CPS1: variants seen among roughly 807,000 people sequenced by gnomAD.
CPS1 encodes carbamoyl-phosphate synthase 1, also known as carbamoyl-phosphate synthase [ammonia], mitochondrial.
In CPS1, 109 loss-of-function variants were observed where a neutral mutation model predicts 174.6. That is an observed-to-expected ratio of 0.62 (90% CI 0.53 to 0.73). CPS1 has a LOEUF of 0.73. Among genes scored for constraint, CPS1 ranks in the 30% least tolerant of loss-of-function variants. CPS1 has a pLI of 0.00. For missense variants in CPS1, 1,689 were observed against 1,821.9 expected (o/e 0.93, Z 1.33); for synonymous variants, 637 against 632.0 (o/e 1.01, Z -0.12).
intron 28 of CPS1, among the ~76,000 whole-genome samples, chr2:210,650,941 G>A (rs1366918647): frequency 6.6e-6 from 1 of 151,998 alleles, no homozygotes; most frequent in African/African-American, 2.4e-5. Context: ...TTTTCCTGTT[G>A]GCACATTCAG....
At chr2:210,651,346 A>G (rs2105912125) in intron 28 of CPS1, among the ~76,000 whole-genome samples, 1 of 152,332 alleles carries the variant, frequency 6.6e-6, no homozygotes, top group Non-Finnish European at 1.5e-5. Flanking sequence ...AAGAGTAGAT[A>G]AGAATAAAGA....
intron 5 of CPS1, among the ~76,000 whole-genome samples, chr2:210,581,325 TA>T (rs1377676001): frequency 6.6e-6 from 1 of 152,162 alleles, no homozygotes; most frequent in East Asian, 1.9e-4. Flanking sequence ...TATGTTAGGT[TA>T]AAACGAGCCC....
chr2:210,606,751 C>T lies in CPS1; in HGVS notation c.2002C>T (p.Pro668Ser), dbSNP rs776711741. Residue 668 changes from proline (P) to serine (S), a missense_variant, in exon 18 of 38, where the codon CCT becomes TCT. By Grantham distance (74) the Pro-to-Ser change is moderately conservative (BLOSUM62 -1). Coordinates refer to ENST00000233072, the MANE Select transcript of CPS1 (RefSeq NM_001875.5). ...TATAGGTGACTCAGTTGTTGTGGCT[C>T]CTGCCCAGACACTCTCCAATGCCGA... is the stretch of plus-strand genomic sequence containing the variant. ...VHTGDSVVVA[P>S]AQTLSNAEFQ... 6 of 1,612,378 alleles carry T rather than the reference C, an allele frequency of 3.7e-6. No homozygotes were observed. Among genetic ancestry groups the T allele is most frequent in the East Asian group, 2.2e-5 (1 of 44,792 alleles).
intron 6 of CPS1, among the ~76,000 whole-genome samples, chr2:210,585,498 G>A (rs550098374): frequency 2.4e-4 from 36 of 152,054 alleles, no homozygotes; most frequent in African/African-American, 6.7e-4. Flanking sequence ...AATTATATGA[G>A]ATGGGTATTA....
At chr2:210,599,015 T>A (rs1250516131) in intron 13 of CPS1, among the ~76,000 whole-genome samples, 1 of 151,914 alleles carries the variant, frequency 6.6e-6, no homozygotes, top group Non-Finnish European at 1.5e-5. Context: ...AATTTAAAAT[T>A]TTTGGAATAT....
chr2:210,623,589 G>A (rs1330260782), intron 21 of CPS1, among the ~76,000 whole-genome samples: 1 of 152,114 alleles, frequency 6.6e-6, no homozygotes, highest in Non-Finnish European at 1.5e-5. Context: ...CCATTGGTGA[G>A]TGGTGAAAAA....
chr2:210,648,523 G>T lies in CPS1; in HGVS notation c.3387G>T (p.Arg1129Ser). The stretch of plus-strand genomic sequence containing the variant: ...CTGTGGACTACCCCTGCTTGTTGAG[G>T]CCTTCCTATGTTTTGAGGTAACACT... ...AKSVDYPCLL[R>S]PSYVLSGSAM... is the part of the protein sequence containing the mutation. Residue 1129 changes from arginine (R) to serine (S), a missense_variant, in exon 27 of 38, where the codon AGG becomes AGT. Physicochemically the swap from Arg to Ser is moderately radical, Grantham distance 110 (BLOSUM62 -1). Transcript: ENST00000233072. 1 of 1,613,440 alleles carries T rather than the reference G, an allele frequency of 6.2e-7. No individual in the cohort carries two copies. The highest frequency in any genetic ancestry group is 8.5e-7 in the Non-Finnish European group (1 of 1,179,656).
intron 22 of CPS1, among the ~76,000 whole-genome samples, chr2:210,638,772 G>C (rs1237884856): frequency 2.6e-5 from 4 of 152,102 alleles, no homozygotes; most frequent in African/African-American, 9.7e-5. Context: ...GCATTAATTT[G>C]CAAGCCAAAG....
intron 21 of CPS1, among the ~76,000 whole-genome samples, chr2:210,635,232 C>G (rs956776541): frequency 5.9e-5 from 9 of 152,146 alleles, no homozygotes; most frequent in Non-Finnish European, 1.2e-4. Flanking sequence ...TGTGAGCCAC[C>G]ACACCCGGCC....
intron 1 of CPS1, among the ~76,000 whole-genome samples, chr2:210,545,288 G>A (rs1179305098): frequency 6.6e-6 from 1 of 151,998 alleles, no homozygotes; most frequent in Non-Finnish European, 1.5e-5. Flanking sequence ...TCAAGATTTG[G>A]AAAAGAAGGA....
At chr2:210,587,116 A>G (rs1434593913) in intron 6 of CPS1, among the ~76,000 whole-genome samples, 1 of 152,078 alleles carries the variant, frequency 6.6e-6, no homozygotes, top group Admixed American at 6.6e-5. Flanking sequence ...AAAAAACCCC[A>G]GATATAGTTT....
At chr2:210,561,381 C>A (rs549344862) in intron 1 of CPS1, among the ~76,000 whole-genome samples, 1 of 152,178 alleles carries the variant, frequency 6.6e-6, no homozygotes, top group Non-Finnish European at 1.5e-5. Flanking sequence ...CTAATCTTGA[C>A]CTGTGCTTTC....
chr2:210,667,314 T>C (rs554740479), intron 33 of CPS1, among the ~76,000 whole-genome samples: 1 of 152,272 alleles, frequency 6.6e-6, no homozygotes, highest in African/African-American at 2.4e-5. Context: ...CTGAATACTC[T>C]TTATTTCCTT....
chr2:210,608,352 T>C lies in CPS1; in HGVS notation c.2193-9T>C. On this transcript the variant is annotated splice_polypyrimidine_tract_variant and intron_variant, in intron 18 of 37. Transcript: ENST00000233072. ...AAGAAAAAAAAATAAATTTGTCTTC[T>C]TTTTATAGCTACCCATTGGCATTCA... 6.2e-7 allele frequency: 1 copy of C among 1,611,284 alleles called. No individual in the cohort carries two copies. The highest frequency in any genetic ancestry group is 1.1e-5 in the South Asian group (1 of 91,020).
chr2:210,642,474 G>A lies in CPS1; in HGVS notation c.2960-10G>A, dbSNP rs2105901496. ...TCTTATCCCTTTTGCCAATCTCATT[G>A]TCTCTGCAGGCAGCAGTGTGGAATT... On this transcript the variant is annotated splice_polypyrimidine_tract_variant and intron_variant, in intron 24 of 37. Coordinates refer to ENST00000233072, the MANE Select transcript of CPS1 (RefSeq NM_001875.5). 2 of 1,613,822 alleles carry A rather than the reference G, an allele frequency of 1.2e-6. No individual in the cohort carries two copies. The highest frequency in any genetic ancestry group is 1.7e-6 in the Non-Finnish European group (2 of 1,179,796).
At chr2:210,589,480 G>A (rs528766058) in intron 7 of CPS1, among the ~76,000 whole-genome samples, 6 of 152,116 alleles carry the variant, frequency 3.9e-5, no homozygotes, top group East Asian at 3.9e-4. Context: ...AAGGTCTGAC[G>A]TGGGCCAACT....
In CPS1 at chr2:210,604,353, A is replaced by G. The variant is rs1196652142; in HGVS notation, c.1837-749A>G. 2.6e-5 allele frequency among the ~76,000 whole-genome samples: 4 copies of G among 152,046 alleles called. No individual in the cohort carries two copies. The South Asian group carries it at 8.3e-4, about 32-fold the overall frequency. On this transcript the variant is annotated intron_variant, in intron 16 of 37. Coordinates refer to ENST00000233072, the MANE Select transcript of CPS1 (RefSeq NM_001875.5). ...AAATCAAATATATTATAAGACAATA[A>G]GACATTTCTCCCTTGGATTATCAGC...
At chr2:210,579,882 A>ATC (rs1697856897) in intron 5 of CPS1, 112 bp downstream of exon 5, 4 of 879,668 alleles carry the variant, frequency 4.5e-6, no homozygotes, top group Non-Finnish European at 7.6e-6. Flanking sequence ...AAAGGAGTGA[A>ATC]TCTGGCCAGC....
chr2:210,504,978 T>C lies in CPS1; in HGVS notation c.3+27212T>C, dbSNP rs545797142. Among the ~76,000 whole-genome samples the C allele has an allele frequency of 8.5e-5, 13 of 152,120 alleles. No individual in the cohort carries two copies. In the South Asian group the frequency reaches 2.7e-3, roughly 32 times the overall value. On this transcript the variant is annotated intron_variant, in intron 1 of 38. Coordinates refer to the CPS1 transcript ENST00000430249. Reference sequence around the variant, plus strand: ...AAGTAAATAGGAATAGGGGCTGATATATAAGGCATTTGGGAGCTTTTTCTC... The same window carrying C: ...AAGTAAATAGGAATAGGGGCTGATACATAAGGCATTTGGGAGCTTTTTCTC...
Sources: allele counts gnomAD v4.1 joint callset (sites outside exome capture counted in the v4.1 genomes callset), GRCh38; gene constraint gnomAD v4.1.1; transcripts MANE v1.5; gene names NCBI Gene and HGNC (gene_info 2026-07-23, HGNC 2026-07-21).